The following KNTC1 variants were observed in gnomAD, a reference collection of about 807,000 sequenced individuals.
KNTC1 encodes kinetochore associated 1.
A neutral mutation model predicts 314.4 loss-of-function variants in KNTC1; 253 were observed. That is an observed-to-expected ratio of 0.80 (90% CI 0.73 to 0.89). The LOEUF is 0.89. Among genes scored for constraint, KNTC1 ranks in the 40% least tolerant of loss-of-function variants. The pLI, the probability that KNTC1 is intolerant of heterozygous loss-of-function variation, is 0.00. For synonymous variants in KNTC1, 901 were observed against 901.4 expected (o/e 1.00, Z 0.01); for missense variants, 2,475 against 2,572.9 (o/e 0.96, Z 0.82).
chr12:122,612,873 C>T, intron 53 of KNTC1: 1 of 483,524 alleles, frequency 2.1e-6, no homozygotes, highest in South Asian at 3.2e-5. Flanking sequence ...CAAATAACAT[C>T]TTAGTATCAT....
At chr12:122,603,411 A>G (rs986679717) in intron 48 of KNTC1, among the ~76,000 whole-genome samples, 168 bp downstream of exon 48, 3 of 152,078 alleles carry the variant, frequency 2.0e-5, no homozygotes, top group African/African-American at 7.2e-5. Context: ...GAGGCAGGCA[A>G]TTTCCAACTT....
At chr12:122,546,441 A>G (rs2137742203) in intron 9 of KNTC1, among the ~76,000 whole-genome samples, 172 bp downstream of exon 9, 1 of 152,224 alleles carries the variant, frequency 6.6e-6, no homozygotes, top group Non-Finnish European at 1.5e-5. Context: ...TACAGTTGTT[A>G]CTCTTCATTT....
intron 34 of KNTC1, among the ~76,000 whole-genome samples, chr12:122,583,457 CAG>C (rs1868738310): frequency 6.6e-6 from 1 of 152,178 alleles, no homozygotes; most frequent in South Asian, 2.1e-4. Flanking sequence ...AGCAATACTG[CAG>C]AGTTAGGTAA....
chr12:122,586,600 A>C, intron 37 of KNTC1, 101 bp from the exon 38 acceptor site: 1 of 325,964 alleles, frequency 3.1e-6, no homozygotes. Flanking sequence ...AAGGGGTCCA[A>C]GTGCTATTTT....
intron 16 of KNTC1, among the ~76,000 whole-genome samples, chr12:122,556,940 T>TTTTTA (rs71085823): frequency 2.1e-5 from 3 of 141,412 alleles, no homozygotes; most frequent in Non-Finnish European, 4.7e-5. Flanking sequence ...TTTTTTTTTT[T>TTTTTA]AAATAGGGTC....
chr12:122,603,107 A>C lies in KNTC1; in HGVS notation c.4965A>C (p.Thr1655=), dbSNP rs1872157455. The C allele has an allele frequency of 1.2e-6, 2 of 1,613,884 alleles. No homozygotes were observed. Among genetic ancestry groups the C allele is most frequent in the Non-Finnish European group, 1.7e-6 (2 of 1,179,844 alleles). ...TGAAGCCAAAGCTCCTGAAGTTAACACAAGCTAAATCCTCAACACTGATTA... is the reference window on the plus strand; with the variant it reads ...TGAAGCCAAAGCTCCTGAAGTTAACCCAAGCTAAATCCTCAACACTGATTA... The part of the protein sequence containing the change: ...KKLKPKLLKL[T]QAKSSTLINK... Residue 1655 remains threonine, a synonymous_variant, in exon 48 of 64, where the codon ACA becomes ACC. Coordinates refer to ENST00000333479, the MANE Select transcript of KNTC1 (RefSeq NM_014708.6).
intron 52 of KNTC1, 26 bp from the exon 53 acceptor site, chr12:122,610,796 G>T (rs764821642): frequency 4.1e-6 from 6 of 1,447,222 alleles, no homozygotes; most frequent in African/African-American, 2.8e-5. Context: ...ATTAAAAAAT[G>T]ACTGTAATTA....
At chr12:122,579,075 T>G (rs1965222000) in intron 31 of KNTC1, among the ~76,000 whole-genome samples, 1 of 62,104 alleles carries the variant, frequency 1.6e-5, no homozygotes, top group South Asian at 7.1e-4. Flanking sequence ...TTTTTTTTTT[T>G]TTTTTTTGAG....
At position 122,624,594 on chromosome 12, in the gene KNTC1, G is replaced by C; in HGVS notation, c.6516-4G>C. ...AACACTTCTTTTTCTTTTTGATTTT[G>C]TAGTTTAGATGAAGCTTCAGTCTTG... On this transcript the variant is annotated splice_region_variant and splice_polypyrimidine_tract_variant and intron_variant, in intron 62 of 63. Transcript: ENST00000333479. 6.2e-7 allele frequency: 1 copy of C among 1,608,556 alleles called. No homozygotes were observed. The highest frequency in any genetic ancestry group is 8.5e-7 in the Non-Finnish European group (1 of 1,175,930).
chr12:122,568,655 G>A (rs1307274108), intron 21 of KNTC1, among the ~76,000 whole-genome samples: 1 of 152,150 alleles, frequency 6.6e-6, no homozygotes, highest in African/African-American at 2.4e-5. Context: ...TGGTCAACAT[G>A]GTGAATCCGT....
rs755737784 is a variant in KNTC1, at chr12:122,618,499, C to G, written c.6103C>G (p.Pro2035Ala). The G allele has an allele frequency of 6.2e-7, 1 of 1,608,994 alleles. No homozygotes were observed. Among genetic ancestry groups the G allele is most frequent in the East Asian group, 2.2e-5 (1 of 44,662 alleles). ...GTTTTCAGCCTCTTGTCCTTTAAGT[C>G]CTGATCAGCTGTCAGATTGTTCTGA... is the stretch of plus-strand genomic sequence containing the variant. ...PLLSASCPLS[P>A]DQLSDCSESL... The change falls in exon 59 of 64, where the codon CCT becomes GCT. Residue 2035 changes from proline to alanine, a missense_variant. By Grantham distance (27) the Pro-to-Ala change is conservative. Coordinates refer to ENST00000333479, the MANE Select transcript of KNTC1 (RefSeq NM_014708.6).
chr12:122,595,264 CAG>C (rs766415296), intron 43 of KNTC1, among the ~76,000 whole-genome samples: 1 of 152,200 alleles, frequency 6.6e-6, no homozygotes, highest in Non-Finnish European at 1.5e-5. Context: ...ATTTATATCT[CAG>C]ATGTTTCTGT....
At chr12:122,528,240 CCTT>C (rs60701988) in intron 1 of KNTC1, among the ~76,000 whole-genome samples, 5,384 of 152,272 alleles carry the variant, frequency 0.035, 343 homozygotes, top group African/African-American at 0.12. Flanking sequence ...ACCTGTCCCT[CCTT>C]CTTCATCTCC....
intron 54 of KNTC1, 167 bp downstream of exon 54, chr12:122,613,397 G>C (rs1873395983): frequency 4.6e-6 from 3 of 657,040 alleles, no homozygotes; most frequent in Non-Finnish European, 7.6e-6. Flanking sequence ...ATAGGGCTTT[G>C]AGAACATCTT....
chr12:122,541,624 C>T (rs1027541929), intron 5 of KNTC1, among the ~76,000 whole-genome samples: 5 of 150,348 alleles, frequency 3.3e-5, no homozygotes, highest in Admixed American at 2.0e-4. Context: ...GCATTACAGG[C>T]GTGAGCCACT....
intron 20 of KNTC1, among the ~76,000 whole-genome samples, chr12:122,566,512 T>G (rs1039718944): frequency 2.0e-5 from 3 of 149,514 alleles, no homozygotes; most frequent in African/African-American, 7.4e-5. Flanking sequence ...TATATTCAAG[T>G]GATTCTCCTG....
At position 122,562,437 on chromosome 12, in the gene KNTC1, TTTTGTGTG is replaced by T. The variant is rs1427810522; in HGVS notation, c.1543-199_1543-192del. Among the ~76,000 whole-genome samples, 44 of 109,078 alleles carry T rather than the reference TTTTGTGTG, an allele frequency of 4.0e-4. 1 individual carries two copies. Among genetic ancestry groups the T allele is most frequent in the African/African-American group, 3.7e-5 (1 of 26,790 alleles). The allele number at this position is 109,078 out of a possible 152,430, so 71.6% of individuals were successfully genotyped here. A position where few individuals can be genotyped will look rare whatever the true frequency, so the allele number is the denominator to read the frequency against. ...TTGGAAATGTTTTTCTTATCCCATGTTTTGTGTGTGTGTGTGTGTGTGTGTGTGTGTGT... is the reference window on the plus strand; with the variant it reads ...TTGGAAATGTTTTTCTTATCCCATGTTGTGTGTGTGTGTGTGTGTGTGTGT... On this transcript the variant is annotated intron_variant, in intron 19 of 63. Transcript: ENST00000333479.
At chr12:122,598,417 TTTTC>T in intron 44 of KNTC1, among the ~76,000 whole-genome samples, 1 of 85,516 alleles carries the variant, frequency 1.2e-5, no homozygotes, top group African/African-American at 5.2e-5. Flanking sequence ...TTTCTTTTTC[TTTTC>T]TTTTTTTTTT....
chr12:122,605,813 G>A (rs1468181416), intron 51 of KNTC1, among the ~76,000 whole-genome samples: 1 of 152,048 alleles, frequency 6.6e-6, no homozygotes, highest in East Asian at 1.9e-4. Context: ...CAAAGTGCTG[G>A]GATTACAGGC....
Sources: gnomAD v4.1 joint callset for allele counts (sites outside exome capture counted in the v4.1 genomes callset) on GRCh38, gnomAD v4.1.1 for gene constraint, MANE v1.5 for transcripts, NCBI Gene and HGNC (gene_info 2026-07-23, HGNC 2026-07-21) for gene names.